DLEC1: variants seen among roughly 807,000 people sequenced by gnomAD.
The protein encoded by DLEC1 is deleted in lung and esophageal cancer protein 1.
Under a neutral mutation model 198.1 loss-of-function variants are expected in DLEC1, and 146 were observed. That is an observed-to-expected ratio of 0.74 (90% confidence interval 0.64 to 0.85). The LOEUF is 0.85. Ranked by LOEUF, DLEC1 falls within the 40% of genes least tolerant of loss-of-function variation. The pLI is 0.00. For missense variants in DLEC1, 2,233 were observed against 2,220.0 expected (o/e 1.01, Z -0.12); for synonymous variants, 897 against 866.8 (o/e 1.03, Z -0.61).
chr3:38,070,333 A>C (rs550280172), intron 6 of DLEC1, among the ~76,000 whole-genome samples: 1 of 152,316 alleles, frequency 6.6e-6, no homozygotes, highest in South Asian at 2.1e-4. Context: ...AAACTTTGAA[A>C]CCAGATATCC....
At chr3:38,083,429 G>T (rs1329523645) in intron 6 of DLEC1, among the ~76,000 whole-genome samples, 1 of 152,172 alleles carries the variant, frequency 6.6e-6, no homozygotes, top group Non-Finnish European at 1.5e-5. Flanking sequence ...GCCAGGAAAA[G>T]GACTTTCATA....
intron 33 of DLEC1, 45 bp downstream of exon 33, chr3:38,118,069 A>C: frequency 6.5e-6 from 10 of 1,548,058 alleles, no homozygotes; most frequent in South Asian, 1.2e-5. Flanking sequence ...GCACACCCTC[A>C]CATGTGTACA....
intron 19 of DLEC1, among the ~76,000 whole-genome samples, chr3:38,107,321 T>G (rs1193152766): frequency 6.6e-6 from 1 of 152,222 alleles, no homozygotes; most frequent in Non-Finnish European, 1.5e-5. Context: ...CACCCGAGAT[T>G]TCTACTTTTT....
At chr3:38,050,197 T>C (rs1337855737) in intron 2 of DLEC1, among the ~76,000 whole-genome samples, 1 of 152,046 alleles carries the variant, frequency 6.6e-6, no homozygotes, top group Non-Finnish European at 1.5e-5. Context: ...GCCTCCCTAG[T>C]AGCTGGGACC....
intron 2 of DLEC1, among the ~76,000 whole-genome samples, chr3:38,055,496 G>C (rs1437740467): frequency 6.6e-6 from 1 of 152,202 alleles, no homozygotes; most frequent in Non-Finnish European, 1.5e-5. Context: ...CATCAGCTTA[G>C]AATCAGGCAT....
intron 6 of DLEC1, among the ~76,000 whole-genome samples, chr3:38,080,115 T>C (rs1185442226): frequency 2.0e-5 from 3 of 152,202 alleles, no homozygotes; most frequent in Non-Finnish European, 4.4e-5. Flanking sequence ...TGCTGTCTGA[T>C]TTGGGATAAA....
At chr3:38,059,042 G>A (rs1173031641) in intron 2 of DLEC1, among the ~76,000 whole-genome samples, 2 of 151,768 alleles carry the variant, frequency 1.3e-5, no homozygotes, top group African/African-American at 2.4e-5. Context: ...ACTATTTCTG[G>A]GCTCATCACC....
At chr3:38,084,297 G>C in intron 7 of DLEC1, 52 bp downstream of exon 7, 1 of 1,500,584 alleles carries the variant, frequency 6.7e-7, no homozygotes, top group Non-Finnish European at 9.3e-7. Flanking sequence ...AGTAGTGGTG[G>C]TATTAGTAGT....
chr3:38,104,349 C>T (rs772598346), intron 19 of DLEC1, among the ~76,000 whole-genome samples: 6 of 152,018 alleles, frequency 3.9e-5, no homozygotes, highest in East Asian at 1.9e-4. Context: ...CCCAGCTACT[C>T]GGGAGGCTGA....
At chr3:38,103,085 C>A (rs1181905741) in intron 19 of DLEC1, 1 of 152,256 alleles carries the variant, frequency 6.6e-6, no homozygotes, top group East Asian at 1.9e-4. Flanking sequence ...GTATCCATCA[C>A]CCAAATAGCA....
intron 19 of DLEC1, among the ~76,000 whole-genome samples, chr3:38,100,667 T>C (rs1699260624): frequency 6.6e-6 from 1 of 152,188 alleles, no homozygotes; most frequent in Non-Finnish European, 1.5e-5. Flanking sequence ...ATTAAAGAGA[T>C]GTAAATTAGT....
chr3:38,081,886 G>T (rs1575164273), intron 6 of DLEC1, among the ~76,000 whole-genome samples: 1 of 142,368 alleles, frequency 7.0e-6, no homozygotes, highest in East Asian at 2.1e-4. Flanking sequence ...CTGGCCGGGC[G>T]GGGGGCTGAC....
intron 20 of DLEC1, 75 bp from the exon 21 acceptor site, chr3:38,108,330 G>A (rs543227353): frequency 1.6e-6 from 2 of 1,259,458 alleles, no homozygotes; most frequent in East Asian, 2.4e-5. Flanking sequence ...ATGCAGCAGT[G>A]CTGAGCACTC....
chr3:38,055,268 T>C (rs982609984), intron 2 of DLEC1, among the ~76,000 whole-genome samples: 2 of 152,210 alleles, frequency 1.3e-5, no homozygotes, highest in Non-Finnish European at 2.9e-5. Flanking sequence ...CTGTAAGTTA[T>C]GAAAGCCTGA....
In DLEC1 at chr3:38,097,834, G is replaced by C. The variant is rs753949751; in HGVS notation, c.2656G>C (p.Val886Leu). The C allele has an allele frequency of 6.2e-7, 1 of 1,614,170 alleles. No individual in the cohort carries two copies. The highest frequency in any genetic ancestry group is 1.1e-5 in the South Asian group (1 of 91,072). The change falls in exon 18 of 37, where the codon GTC (valine) becomes CTC (leucine). Residue 886 changes from valine (V) to leucine (L), a missense_variant. Val to Leu is a conservative substitution (Grantham distance 32). Coordinates refer to ENST00000308059, the MANE Select transcript of DLEC1 (RefSeq NM_007335.4). ...KATNSIQIRNVSQLPATWRMK... is the reference protein window; with the variant it reads ...KATNSIQIRNLSQLPATWRMK... Reference sequence around the variant, plus strand: ...CACAAACTCCATCCAGATCCGGAACGTCAGCCAGCTCCCAGCCACATGGCG... The same window carrying C: ...CACAAACTCCATCCAGATCCGGAACCTCAGCCAGCTCCCAGCCACATGGCG...
chr3:38,100,889 A>G (rs1015538094), intron 19 of DLEC1, among the ~76,000 whole-genome samples: 3 of 152,198 alleles, frequency 2.0e-5, no homozygotes, highest in African/African-American at 7.2e-5. Context: ...ATAAGCACAT[A>G]CCATTGTATT....
chr3:38,053,025 C>T (rs975317255), intron 2 of DLEC1, among the ~76,000 whole-genome samples: 3 of 152,228 alleles, frequency 2.0e-5, no homozygotes, highest in East Asian at 1.9e-4. Context: ...CTCCTAACCG[C>T]GAGTGATCTG....
intron 2 of DLEC1, 45 bp downstream of exon 2, chr3:38,045,738 T>C: frequency 6.4e-7 from 1 of 1,557,788 alleles, no homozygotes; most frequent in Non-Finnish European, 8.7e-7. Flanking sequence ...TCCCGGGCTG[T>C]TGATATTTCA....
In DLEC1 at chr3:38,049,551, C is replaced by T. The variant is rs1701017226; in HGVS notation, c.562+3858C>T. Among the ~76,000 whole-genome samples, 3 of 152,194 alleles carry T rather than the reference C, an allele frequency of 2.0e-5. No individual in the cohort carries two copies. The South Asian group carries it at 6.2e-4, about 31-fold the overall frequency. Reference sequence around the variant, plus strand: ...AACTTGTCCACATTATCCAAGACCTCGCAGAGCCATGCCCAGGAGCCACAG... The same window carrying T: ...AACTTGTCCACATTATCCAAGACCTTGCAGAGCCATGCCCAGGAGCCACAG... On this transcript the variant is annotated intron_variant, in intron 2 of 36. Coordinates refer to ENST00000308059, the MANE Select transcript of DLEC1 (RefSeq NM_007335.4).
Sources: gnomAD v4.1 joint callset for allele counts (sites outside exome capture counted in the v4.1 genomes callset) on GRCh38, gnomAD v4.1.1 for gene constraint, MANE v1.5 for transcripts, NCBI Gene and HGNC (gene_info 2026-07-23, HGNC 2026-07-21) for gene names.